ALG9: variants seen among roughly 807,000 people sequenced by gnomAD.
The protein encoded by ALG9 is alpha-1,2-mannosyltransferase ALG9.
Under a neutral mutation model 81.8 loss-of-function variants are expected in ALG9, and 55 were observed. The ratio of observed to expected loss-of-function variants is 0.67; its 90% CI spans 0.54 to 0.84. The LOEUF is 0.84. Among genes scored for constraint, ALG9 ranks in the 40% least tolerant of loss-of-function variants. The pLI, the probability that ALG9 is intolerant of heterozygous loss-of-function variation, is 0.00. For missense variants in ALG9, 629 were observed against 745.0 expected, an observed-to-expected ratio of 0.84 and a Z score of 1.81; for synonymous variants, 278 against 274.3, an observed-to-expected ratio of 1.01 and a Z score of -0.13.
At chr11:111,867,488 T>TA (rs1407315046) in intron 3 of ALG9, among the ~76,000 whole-genome samples, 16 of 152,008 alleles carry the variant, frequency 1.1e-4, no homozygotes, top group African/African-American at 3.1e-4. Context: ...AAGGTCTCAG[T>TA]AAAAAAAATT....
chr11:111,865,156 T>G (rs947490039), intron 4 of ALG9, 25 bp downstream of exon 4: 6 of 1,524,958 alleles, frequency 3.9e-6, no homozygotes, highest in Non-Finnish European at 5.3e-6. Context: ...CACAGCACTT[T>G]TAGAAGCAAA....
At chr11:111,837,374 A>G in intron 12 of ALG9, 94 bp downstream of exon 12, 1 of 1,455,208 alleles carries the variant, frequency 6.9e-7, no homozygotes. Context: ...TCTCTGTGAA[A>G]ACTCCAAAAG....
At chr11:111,823,747 T>C (rs1952800400) in intron 13 of ALG9, among the ~76,000 whole-genome samples, 1 of 152,220 alleles carries the variant, frequency 6.6e-6, no homozygotes, top group African/African-American at 2.4e-5. Context: ...CACAGATCTA[T>C]CCTGAAGTTA....
At chr11:111,790,471 T>C (rs1204761056) in intron 14 of ALG9, among the ~76,000 whole-genome samples, 2 of 151,580 alleles carry the variant, frequency 1.3e-5, no homozygotes, top group Non-Finnish European at 2.9e-5. Flanking sequence ...TTCTGAAAAA[T>C]AAAAAAATTT....
chr11:111,780,407 T>TTTTTTG (rs1945867837), downstream of ALG9, among the ~76,000 whole-genome samples: 2 of 150,982 alleles, frequency 1.3e-5, no homozygotes, highest in South Asian at 4.2e-4. Context: ...TTGTTTTTTG[T>TTTTTTG]TTTTTTTGAG....
chr11:111,866,972 G>T (rs1184775495), intron 3 of ALG9, among the ~76,000 whole-genome samples: 1 of 152,186 alleles, frequency 6.6e-6, no homozygotes, highest in African/African-American at 2.4e-5. Context: ...GCTCAAGCTT[G>T]TAATCCCAGC....
In ALG9 at chr11:111,861,250, T is replaced by G. The variant is rs75712948; in HGVS notation, c.477-615A>C. 5.4e-3 allele frequency among the ~76,000 whole-genome samples: 822 copies of G among 152,346 alleles called. 3 individuals carry two copies. Among genetic ancestry groups the G allele is most frequent in the African/African-American group, 0.019 (770 of 41,566 alleles). ...AGGTGTGAACCCCACAAATTAAATG[T>G]ATTTAGGCATTATTACTGCTTCACT... On this transcript the variant is annotated intron_variant, in intron 4 of 14. Transcript: ENST00000616540.
rs1374945114 is a variant in ALG9, at chr11:111,840,503, TAAG to T, written c.1173+149_1173+151del. The T allele has an allele frequency of 8.0e-6, 7 of 877,840 alleles. No homozygotes were observed. In the African/African-American group the frequency reaches 1.0e-4, roughly 13 times the overall value. 54.4% of individuals were successfully genotyped at this position (877,840 alleles called of 1,614,324 possible). ...ATGGTAAACAGCTAAGCAATCAATA[TAAG>T]AAGGTTTAATAATATGATCTATATC... On this transcript the variant is annotated intron_variant, in intron 10 of 14. Transcript: ENST00000616540.
At position 111,836,218 on chromosome 11, in the gene ALG9, G is replaced by T; in HGVS notation, c.1549C>A (p.Arg517=). 1 of 1,614,000 alleles carries T rather than the reference G, an allele frequency of 6.2e-7. No homozygotes were observed. Among genetic ancestry groups the T allele is most frequent in the Non-Finnish European group, 8.5e-7 (1 of 1,179,926 alleles). Residue 517 remains arginine (R), a synonymous_variant, in exon 13 of 15, where the codon CGG becomes AGG. Coordinates refer to ENST00000616540, the MANE Select transcript of ALG9 (RefSeq NM_024740.2). The part of the protein sequence containing the change: ...KPFAEGPLAT[R]IVPTDMNDQN... The stretch of plus-strand genomic sequence containing the variant: ...TCATTCATGTCAGTAGGAACAATCC[G>T]GGTGGCCAGAGGTCCTTCTGCAAAA...
At chr11:111,832,664 A>T (rs1954586973) in intron 13 of ALG9, among the ~76,000 whole-genome samples, 1 of 152,084 alleles carries the variant, frequency 6.6e-6, no homozygotes, top group South Asian at 2.1e-4. Flanking sequence ...CCACATATTA[A>T]TTTTTCATAA....
chr11:111,809,468 T>G (rs1214112264), intron 14 of ALG9, among the ~76,000 whole-genome samples, 175 bp downstream of exon 14: 1 of 151,890 alleles, frequency 6.6e-6, no homozygotes, highest in African/African-American at 2.4e-5. Flanking sequence ...AGTCAGAGGT[T>G]GTGGGGAGTT....
rs61897178 is a variant in ALG9, at chr11:111,870,746, C to T, written c.132-376G>A. 329,925 of 1,011,470 alleles carry T rather than the reference C, an allele frequency of 0.33. 55,725 individuals carry two copies. Among genetic ancestry groups the T allele is most frequent in the East Asian group, 0.58 (5,395 of 9,240 alleles). The allele number at this position is 1,011,470 out of a possible 1,614,324, so 62.7% of individuals were successfully genotyped here. A position where few individuals can be genotyped will look rare whatever the true frequency, so the allele number is the denominator to read the frequency against. ...TTAGCTCAATGCATTTATGTCACTC[C>T]ATTTATCCCAAGCCAACTAATCACT... is the stretch of plus-strand genomic sequence containing the variant. On this transcript the variant is annotated intron_variant, in intron 1 of 14. Coordinates refer to ENST00000616540, the MANE Select transcript of ALG9 (RefSeq NM_024740.2).
intron 3 of ALG9, among the ~76,000 whole-genome samples, chr11:111,866,943 A>C (rs190308312): frequency 5.8e-4 from 89 of 152,246 alleles, no homozygotes; most frequent in African/African-American, 1.9e-3. Flanking sequence ...AAATACAAAA[A>C]AATTAGCCAC....
intron 13 of ALG9, among the ~76,000 whole-genome samples, chr11:111,835,222 A>G (rs1381614928): frequency 4.6e-5 from 7 of 152,254 alleles, no homozygotes; most frequent in African/African-American, 1.4e-4. Flanking sequence ...CAGGTTATCA[A>G]AAAATGTGCT....
At chr11:111,836,415 G>A in intron 12 of ALG9, 121 bp from the exon 13 acceptor site, 1 of 1,320,842 alleles carries the variant, frequency 7.6e-7, no homozygotes, top group Non-Finnish European at 1.1e-6. Context: ...AAATATTTCT[G>A]CTAAAACCTC....
intron 6 of ALG9, 115 bp downstream of exon 6, chr11:111,857,487 T>G: frequency 7.1e-7 from 1 of 1,399,068 alleles, no homozygotes; most frequent in East Asian, 2.3e-5. Flanking sequence ...TCCCAGAATC[T>G]TTGAAAGCCC....
At chr11:111,853,285 T>C (rs1418700630) in intron 8 of ALG9, 95 bp downstream of exon 8, 2 of 838,476 alleles carry the variant, frequency 2.4e-6, no homozygotes, top group Non-Finnish European at 4.1e-6. Context: ...CAAGAAATGC[T>C]ACATCTAATA....
At chr11:111,831,483 G>A (rs1954371090) in intron 13 of ALG9, among the ~76,000 whole-genome samples, 1 of 152,188 alleles carries the variant, frequency 6.6e-6, no homozygotes, top group Non-Finnish European at 1.5e-5. Flanking sequence ...GGGTGACAGA[G>A]TGAGACCCTG....
At chr11:111,839,974 A>G (rs1195430624) in intron 10 of ALG9, among the ~76,000 whole-genome samples, 1 of 152,184 alleles carries the variant, frequency 6.6e-6, no homozygotes, top group East Asian at 1.9e-4. Context: ...AACAATAGCT[A>G]AAGGGTACAG....
Sources: allele counts gnomAD v4.1 joint callset (sites outside exome capture counted in the v4.1 genomes callset), GRCh38; gene constraint gnomAD v4.1.1; transcripts MANE v1.5; gene names NCBI Gene and HGNC (gene_info 2026-07-23, HGNC 2026-07-21).